MARK1: variants seen among roughly 807,000 people sequenced by gnomAD.
The protein encoded by MARK1 is serine/threonine-protein kinase MARK1.
MARK1 carries 40 observed loss-of-function variants against 96.3 expected under a neutral mutation model. The observed-to-expected ratio is 0.42, with a 90% CI of 0.32 to 0.54. The LOEUF (loss-of-function observed/expected upper bound fraction) is 0.54, where lower values mean the gene tolerates loss of function less well. MARK1 is among the 20% of genes least tolerant of loss of function. The pLI is 0.16. For missense variants in MARK1, 719 were observed against 984.6 expected (o/e 0.73, Z 3.61); for synonymous variants, 317 against 341.2 (o/e 0.93, Z 0.78).
chr1:220,595,778 T>C (rs970304237), intron 3 of MARK1, among the ~76,000 whole-genome samples: 1 of 152,164 alleles, frequency 6.6e-6, no homozygotes, highest in African/African-American at 2.4e-5. Flanking sequence ...AGAGTCAGAA[T>C]GGTTGTACCA....
chr1:220,632,344 A>T (rs369444001), intron 11 of MARK1, 31 bp downstream of exon 11: 13 of 1,012,892 alleles, frequency 1.3e-5, no homozygotes, highest in Non-Finnish European at 1.8e-5. Context: ...GATTACTGTG[A>T]ATTATTTCTT....
intron 3 of MARK1, among the ~76,000 whole-genome samples, chr1:220,582,125 A>G (rs1183163699): frequency 2.6e-5 from 4 of 152,196 alleles, no homozygotes; most frequent in Non-Finnish European, 5.9e-5. Flanking sequence ...CTTTCTTCTC[A>G]TTTGGCTCAG....
At chr1:220,578,304 A>G (rs1664009226) in intron 1 of MARK1, among the ~76,000 whole-genome samples, 1 of 152,256 alleles carries the variant, frequency 6.6e-6, no homozygotes. Context: ...AGCAGGAACA[A>G]TCACAGCTAG....
intron 2 of MARK1, 58 bp from the exon 3 acceptor site, chr1:220,581,007 G>T: frequency 1.4e-6 from 1 of 701,070 alleles, no homozygotes; most frequent in Non-Finnish European, 2.2e-6. Context: ...TTTTTTGAAA[G>T]TTTTATTCAT....
chr1:220,657,667 A>G (rs1219725457), intron 16 of MARK1, 123 bp from the exon 17 acceptor site: 3 of 606,370 alleles, frequency 4.9e-6, no homozygotes, highest in Non-Finnish European at 8.4e-6. Flanking sequence ...ACTGACTAGT[A>G]ATAGAAAACT....
Position 220,618,518 on chromosome 1 carries a change from C to T in MARK1, c.761C>T (p.Ser254Phe). 6.2e-7 allele frequency: 1 copy of T among 1,614,096 alleles called. No individual in the cohort carries two copies. Among genetic ancestry groups the T allele is most frequent in the Non-Finnish European group, 8.5e-7 (1 of 1,179,984 alleles). Residue 254 changes from serine to phenylalanine, a missense_variant, in exon 8 of 18, where the codon TCC (serine) becomes TTC (phenylalanine). This residue lies in a region of MARK1 where 96 missense variants were observed against 213.1 expected (regional missense o/e 0.45). Coordinates refer to ENST00000366917, the MANE Select transcript of MARK1 (RefSeq NM_018650.5). This position sits in a 1 kb window ranked among gnomAD's most constrained non-coding sequence, Gnocchi z 4.6. Reference protein sequence around the residue: ...GVILYTLVSGSLPFDGQNLKE... With the variant: ...GVILYTLVSGFLPFDGQNLKE... ...ATTCTCTATACATTAGTCAGTGGCT[C>T]CTTGCCTTTCGATGGCCAGAATTTA...
chr1:220,553,932 CAGACCTCTGATGTTCTGGCGTCCATTCA>C (rs1363432367), intron 1 of MARK1, among the ~76,000 whole-genome samples: 1 of 152,186 alleles, frequency 6.6e-6, no homozygotes, highest in Non-Finnish European at 1.5e-5. Context: ...AGGCCTGTTG[CAGACCTCTGATGTTCTGGCGTCCATTCA>C]AAACTGGCAG....
intron 6 of MARK1, among the ~76,000 whole-genome samples, chr1:220,614,677 G>A (rs1039561277): frequency 2.6e-5 from 4 of 151,918 alleles, no homozygotes; most frequent in African/African-American, 4.8e-5. Context: ...AGTCCACTTA[G>A]TATTCATTTT....
chr1:220,655,682 C>G (rs1255889187), intron 16 of MARK1, among the ~76,000 whole-genome samples: 1 of 152,200 alleles, frequency 6.6e-6, no homozygotes, highest in Non-Finnish European at 1.5e-5. Flanking sequence ...TCATCTTTCA[C>G]TTCCTCATAG....
chr1:220,529,253 C>T (rs1288434574), intron 1 of MARK1, among the ~76,000 whole-genome samples: 3 of 152,134 alleles, frequency 2.0e-5, no homozygotes, highest in South Asian at 2.1e-4. Flanking sequence ...CAATAGCAGA[C>T]GAGCCGGCTA....
intron 1 of MARK1, among the ~76,000 whole-genome samples, chr1:220,564,470 C>T (rs1572088569): frequency 6.6e-6 from 1 of 151,780 alleles, no homozygotes; most frequent in South Asian, 2.1e-4. Flanking sequence ...TTAATTATAG[C>T]GATAATTGTT....
At chr1:220,531,686 G>A (rs980002631) in intron 1 of MARK1, among the ~76,000 whole-genome samples, 4 of 152,122 alleles carry the variant, frequency 2.6e-5, no homozygotes, top group Non-Finnish European at 4.4e-5. Context: ...AACAGTCTAT[G>A]TGTACTTTTT....
chr1:220,634,252 A>T (rs1286170163), intron 11 of MARK1, among the ~76,000 whole-genome samples: 4 of 152,236 alleles, frequency 2.6e-5, no homozygotes, highest in African/African-American at 4.8e-5. Flanking sequence ...TAAAAGAAGC[A>T]CTAATTTTAT....
At chr1:220,659,276 T>C (rs974780529) in intron 17 of MARK1, among the ~76,000 whole-genome samples, 2 of 152,142 alleles carry the variant, frequency 1.3e-5, no homozygotes, top group Non-Finnish European at 2.9e-5. Flanking sequence ...AAAATGCCTA[T>C]TTTACAGATG....
intron 1 of MARK1, among the ~76,000 whole-genome samples, chr1:220,531,498 C>A (rs1436919750): frequency 6.6e-6 from 1 of 152,078 alleles, no homozygotes; most frequent in Non-Finnish European, 1.5e-5. Flanking sequence ...TTTCTTTGGT[C>A]ATCCATATAA....
At chr1:220,547,831 G>A (rs1661605431) in intron 1 of MARK1, among the ~76,000 whole-genome samples, 1 of 152,210 alleles carries the variant, frequency 6.6e-6, no homozygotes, top group African/African-American at 2.4e-5. Context: ...CTCCCAAAGT[G>A]CTGGGATTAC....
At chr1:220,605,697 A>T (rs1435875825) in intron 6 of MARK1, among the ~76,000 whole-genome samples, 3 of 127,036 alleles carry the variant, frequency 2.4e-5, no homozygotes, top group African/African-American at 9.2e-5. Flanking sequence ...CCAGTGTGTG[A>T]TGTTCCCTGC....
chr1:220,639,819 GT>G (rs1668170453), intron 13 of MARK1, among the ~76,000 whole-genome samples: 1 of 152,044 alleles, frequency 6.6e-6, no homozygotes, highest in Non-Finnish European at 1.5e-5. Flanking sequence ...TTTCCAAATG[GT>G]TGGGATAATT....
chr1:220,568,196 A>G (rs963488228), intron 1 of MARK1, among the ~76,000 whole-genome samples: 1 of 152,130 alleles, frequency 6.6e-6, no homozygotes, highest in Admixed American at 6.6e-5. Context: ...CTTTGTTCTT[A>G]TGAGGGTGAG....
Sources: allele counts gnomAD v4.1 joint callset (sites outside exome capture counted in the v4.1 genomes callset), GRCh38; gene constraint gnomAD v4.1.1; regional missense constraint gnomAD v4.1.1; non-coding constraint Gnocchi (gnomAD v3.1); transcripts MANE v1.5; gene names NCBI Gene and HGNC (gene_info 2026-07-23, HGNC 2026-07-21).